Variants in STRIP1 observed in about 807,000 individuals in gnomAD.
The protein encoded by STRIP1 is striatin interacting protein 1.
Under a neutral mutation model 106.2 loss-of-function variants are expected in STRIP1, and 63 were observed. The ratio of observed to expected loss-of-function variants is 0.59; its 90% confidence interval spans 0.48 to 0.73. The LOEUF (loss-of-function observed/expected upper bound fraction) is 0.73. Among genes scored for constraint, STRIP1 ranks in the 30% least tolerant of loss-of-function variants. The pLI is 0.00. For missense variants in STRIP1, 857 were observed against 1,074.8 expected, an observed-to-expected ratio of 0.80 and a Z score of 2.83; for synonymous variants, 390 against 413.0, an observed-to-expected ratio of 0.94 and a Z score of 0.67.
At position 110,043,782 on chromosome 1, in the gene STRIP1, G is replaced by A. The variant is rs371636182; in HGVS notation, c.1212G>A (p.Met404Ile). 3 of 1,614,076 alleles carry A rather than the reference G, an allele frequency of 1.9e-6. No homozygotes were observed. In the African/African-American group the frequency reaches 4.0e-5, roughly 22 times the overall value. ...ETFPLERDEV[M>I]PPPLQHPQTD... The stretch of plus-strand genomic sequence containing the variant: ...TTCCCCTGGAACGGGATGAAGTGAT[G>A]CCTCCCCCGCTACAGCACCCACAGA... Residue 404 changes from methionine (M) to isoleucine (I), a missense_variant, in exon 10 of 21, where the codon ATG (methionine) becomes ATA (isoleucine). Physicochemically the swap from Met to Ile is conservative, Grantham distance 10. Coordinates refer to ENST00000369795, the MANE Select transcript of STRIP1 (RefSeq NM_033088.4).
chr1:110,041,687 A>G (rs376587384), intron 7 of STRIP1, 45 bp downstream of exon 7: 50 of 1,613,990 alleles, frequency 3.1e-5, no homozygotes, highest in Non-Finnish European at 4.0e-5. Context: ...CTGGAAGCTG[A>G]GGCGGAAGGC....
At chr1:110,042,044 A>G (rs1381367869) in intron 8 of STRIP1, among the ~76,000 whole-genome samples, 183 bp downstream of exon 8, 2 of 152,220 alleles carry the variant, frequency 1.3e-5, no homozygotes, top group African/African-American at 4.8e-5. Context: ...ATTGCAGCCA[A>G]CGAGGACATA....
At chr1:110,037,127 G>A (rs939400424) in intron 1 of STRIP1, among the ~76,000 whole-genome samples, 2 of 152,060 alleles carry the variant, frequency 1.3e-5, no homozygotes, top group African/African-American at 4.8e-5. Context: ...GAGCCACCTC[G>A]CCTGGCCATT....
At position 110,053,886 on chromosome 1, in the gene STRIP1, A is replaced by G. The variant is rs770930977; in HGVS notation, c.2488A>G (p.Ile830Val). 1 of 1,614,026 alleles carries G rather than the reference A, an allele frequency of 6.2e-7. No individual in the cohort carries two copies. Among genetic ancestry groups the G allele is most frequent in the Non-Finnish European group, 8.5e-7 (1 of 1,180,040 alleles). The change falls in exon 21 of 21, where the codon ATT becomes GTT. Residue 830 changes from isoleucine to valine, a missense_variant. Around this residue, in one of 2 missense-constraint regions of STRIP1, gnomAD observed 750 missense variants for 989.8 expected, o/e 0.76. Transcript: ENST00000369795. Reference sequence around the variant, plus strand: ...AGAAAGGGAGGTCTTCTCCAAGCCCATTTCCTGGGAAGAGCTGCTGCAGTG... The same window carrying G: ...AGAAAGGGAGGTCTTCTCCAAGCCCGTTTCCTGGGAAGAGCTGCTGCAGTG... ...WLEREVFSKP[I>V]SWEELLQ
At chr1:110,050,798 A>G (rs1653261348) in intron 18 of STRIP1, among the ~76,000 whole-genome samples, 158 bp from the exon 19 acceptor site, 1 of 152,140 alleles carries the variant, frequency 6.6e-6, no homozygotes, top group Admixed American at 6.5e-5. Flanking sequence ...GTCCCCTGCC[A>G]GCTTCTGGGA....
At chr1:110,039,102 A>G in intron 3 of STRIP1, 70 bp from the exon 4 acceptor site, 1 of 1,570,614 alleles carries the variant, frequency 6.4e-7, no homozygotes, top group Admixed American at 1.7e-5. Flanking sequence ...GAATTTGGTG[A>G]GTTAACATGG....
intron 10 of STRIP1, 93 bp from the exon 11 acceptor site, chr1:110,044,746 GT>G: frequency 8.0e-7 from 1 of 1,247,278 alleles, no homozygotes; most frequent in Non-Finnish European, 1.1e-6. Context: ...TGGCTTCACA[GT>G]TTCTGGATGC....
At chr1:110,053,445 A>G (rs1408457735) in intron 20 of STRIP1, among the ~76,000 whole-genome samples, 1 of 152,184 alleles carries the variant, frequency 6.6e-6, no homozygotes, top group Non-Finnish European at 1.5e-5. Flanking sequence ...CTCTGGGTCT[A>G]CATAATCCCT....
Position 110,043,229 on chromosome 1 carries a change from T to G in STRIP1, c.1027T>G (p.Leu343Val), listed in dbSNP as rs1652857553. The G allele has an allele frequency of 6.2e-7, 1 of 1,613,358 alleles. No homozygotes were observed. The highest frequency in any genetic ancestry group is 1.7e-5 in the Admixed American group (1 of 60,002). Residue 343 changes from leucine (L) to valine (V), a missense_variant, in exon 9 of 21, where the codon TTG becomes GTG. Around this residue, in one of 2 missense-constraint regions of STRIP1, gnomAD observed 750 missense variants for 989.8 expected, o/e 0.76. Transcript: ENST00000369795. ...AASPPASASD[L>V]IEQQQKRGRR... ...CTCTCCACCAGCATCTGCTTCAGAC[T>G]TGATTGAGCAGCAGCAGAAACGGGG...
chr1:110,042,091 C>T (rs1323476399), intron 8 of STRIP1, among the ~76,000 whole-genome samples: 2 of 152,118 alleles, frequency 1.3e-5, no homozygotes, highest in African/African-American at 2.4e-5. Flanking sequence ...CTCTCTGACC[C>T]CGGAAGCTGT....
intron 1 of STRIP1, among the ~76,000 whole-genome samples, chr1:110,035,721 C>A (rs1467103652): frequency 6.6e-6 from 1 of 152,160 alleles, no homozygotes; most frequent in African/African-American, 2.4e-5. Context: ...CCAAACTGAT[C>A]AGCCAAGTTA....
rs1652835828 is a variant in STRIP1 at position 110,042,980 on chromosome 1, T to TA, written c.886-105dup. ...TGTTCAGGAGTTGCCTGGGTCTCTA[T>TA]AAAGACATGGGTCATGATGTCATGA... is the stretch of plus-strand genomic sequence containing the variant. On this transcript the variant is annotated intron_variant, in intron 8 of 20. Coordinates refer to ENST00000369795, the MANE Select transcript of STRIP1 (RefSeq NM_033088.4). 8 of 1,144,862 alleles carry TA rather than the reference T, an allele frequency of 7.0e-6. No individual in the cohort carries two copies. In the South Asian group the frequency reaches 1.3e-4, roughly 18 times the overall value. The allele number at this position is 1,144,862 out of a possible 1,614,324, so 70.9% of individuals were successfully genotyped here. A position where few individuals can be genotyped will look rare whatever the true frequency, so the allele number is the denominator to read the frequency against.
intron 9 of STRIP1, 109 bp from the exon 10 acceptor site, chr1:110,043,522 TTTTTCCAC>T (rs1652874971): frequency 9.9e-7 from 1 of 1,009,734 alleles, no homozygotes; most frequent in African/African-American, 1.6e-5. Context: ...CCCACTGTGG[TTTTTCCAC>T]TGTTCTTGCC....
chr1:110,052,877 C>A (rs1653370134), intron 20 of STRIP1, among the ~76,000 whole-genome samples: 1 of 152,200 alleles, frequency 6.6e-6, no homozygotes, highest in Non-Finnish European at 1.5e-5. Flanking sequence ...CCTAGTGAAT[C>A]TTTTCAACAT....
intron 10 of STRIP1, 68 bp from the exon 11 acceptor site, chr1:110,044,772 C>G: frequency 6.7e-7 from 1 of 1,486,248 alleles, no homozygotes; most frequent in Non-Finnish European, 9.4e-7. Flanking sequence ...TTTTTGTTAA[C>G]TGTAACACTT....
At chr1:110,034,156 C>T (rs1278206265), upstream of STRIP1, among the ~76,000 whole-genome samples, 1 of 152,152 alleles carries the variant, frequency 6.6e-6, no homozygotes, top group Non-Finnish European at 1.5e-5. Context: ...TGTTATGTAC[C>T]GTGACTGCAG....
chr1:110,038,585 T>G (rs549832792), intron 2 of STRIP1, 98 bp from the exon 3 acceptor site: 1 of 906,816 alleles, frequency 1.1e-6, no homozygotes, highest in East Asian at 2.4e-5. Flanking sequence ...AGGGGCAGAG[T>G]TGAGAGTGGA....
chr1:110,038,058 C>T (rs955813016), intron 2 of STRIP1, 98 bp downstream of exon 2: 13 of 354,084 alleles, frequency 3.7e-5, no homozygotes, highest in African/African-American at 9.1e-5. Context: ...CATTGCTTTC[C>T]CTAGTTCTAT....
rs1653414052 is a variant in STRIP1 at position 110,053,817 on chromosome 1, G to A, written c.2419G>A (p.Val807Met). 1.2e-6 allele frequency: 2 copies of A among 1,614,162 alleles called. No homozygotes were observed. Among genetic ancestry groups the A allele is most frequent in the South Asian group, 1.1e-5 (1 of 91,088 alleles). ...NCLQSVLGQR[V>M]DLPEDFQMNY... ...CCTGCAGAGTGTCCTGGGCCAACGGGTGGACCTCCCTGAGGACTTTCAGAT... is the reference window on the plus strand; with the variant it reads ...CCTGCAGAGTGTCCTGGGCCAACGGATGGACCTCCCTGAGGACTTTCAGAT... Residue 807 changes from valine to methionine, a missense_variant, in exon 21 of 21, where the codon GTG becomes ATG. Physicochemically the swap from Val to Met is conservative, Grantham distance 21 (BLOSUM62 1). Transcript: ENST00000369795.
Sources: gnomAD v4.1 joint callset for allele counts (sites outside exome capture counted in the v4.1 genomes callset) on GRCh38, gnomAD v4.1.1 for gene constraint, gnomAD v4.1.1 regional missense constraint, MANE v1.5 for transcripts, NCBI Gene and HGNC (gene_info 2026-07-23, HGNC 2026-07-21) for gene names.